The following NELL1 variants were observed in gnomAD, a reference collection of about 807,000 sequenced individuals.
The protein encoded by NELL1 is neural EGFL like 1, also known as protein kinase C-binding protein NELL1.
Under a neutral mutation model 107.4 loss-of-function variants are expected in NELL1, and 76 were observed. That is an observed-to-expected ratio of 0.71 (90% CI 0.59 to 0.86). The LOEUF is 0.86. Among genes scored for constraint, NELL1 ranks in the 40% least tolerant of loss-of-function variants. The probability of loss-of-function intolerance (pLI) is 0.00; values close to 1 mark genes in which losing one functional copy is unlikely to be tolerated. For missense variants in NELL1, 1,024 were observed against 1,005.5 expected (o/e 1.02, Z -0.25); for synonymous variants, 353 against 341.2 (o/e 1.03, Z -0.38).
chr11:21,078,779 A>G (rs1375701028), intron 12 of NELL1, among the ~76,000 whole-genome samples: 1 of 152,102 alleles, frequency 6.6e-6, no homozygotes, highest in Non-Finnish European at 1.5e-5. Flanking sequence ...TTAAAAGTAA[A>G]TTCTAGTAGA....
At chr11:21,252,301 A>G (rs17298901) in intron 14 of NELL1, among the ~76,000 whole-genome samples, 5,663 of 152,082 alleles carry the variant, frequency 0.037, 133 homozygotes, top group Non-Finnish European at 0.056. Context: ...GGTAGATCCA[A>G]TTGGTTTTCC....
intron 15 of NELL1, among the ~76,000 whole-genome samples, chr11:21,497,676 T>A (rs1420576160): frequency 6.6e-6 from 1 of 152,228 alleles, no homozygotes; most frequent in African/African-American, 2.4e-5. Context: ...TAAATATAAA[T>A]CAAATATCAT....
At chr11:21,326,045 C>G (rs1180915402) in intron 14 of NELL1, among the ~76,000 whole-genome samples, 2 of 82,090 alleles carry the variant, frequency 2.4e-5, no homozygotes, top group African/African-American at 1.0e-4. Context: ...TTGTGTTAAT[C>G]CTAGTTTTTT....
rs1411426868 is a variant in NELL1, at chr11:21,232,156, A to AT, written c.1549+2702_1549+2703insT. Among the ~76,000 whole-genome samples the AT allele has an allele frequency of 3.1e-3, 193 of 62,216 alleles. 5 individuals carry two copies. Among genetic ancestry groups the AT allele is most frequent in the South Asian group, 0.013 (23 of 1,808 alleles). The allele number at this position is 62,216 out of a possible 152,430, so 40.8% of individuals were successfully genotyped here. ...CTCTACTAAAAAAAAATAAAAAAAA[A>AT]AAAATATATATATATATATATAAAT... On this transcript the variant is annotated intron_variant, in intron 14 of 19. Transcript: ENST00000357134.
intron 3 of NELL1, among the ~76,000 whole-genome samples, chr11:20,822,933 C>T (rs1857791809): frequency 6.6e-6 from 1 of 152,164 alleles, no homozygotes; most frequent in South Asian, 2.1e-4. Flanking sequence ...GTGTAGTTTG[C>T]AGTGGGGAGC....
intron 10 of NELL1, among the ~76,000 whole-genome samples, chr11:20,941,676 G>A (rs190598449): frequency 1.3e-5 from 2 of 152,164 alleles, no homozygotes; most frequent in African/African-American, 4.8e-5. Context: ...CCTAACATTA[G>A]CTGGGACACA....
chr11:20,793,720 C>G (rs552586457), intron 3 of NELL1, among the ~76,000 whole-genome samples: 2 of 152,208 alleles, frequency 1.3e-5, no homozygotes, highest in East Asian at 3.9e-4. Flanking sequence ...TTGGCTTCCT[C>G]TTTAACCCTG....
intron 12 of NELL1, among the ~76,000 whole-genome samples, chr11:20,998,696 C>T (rs1400367): frequency 0.23 from 34,251 of 152,146 alleles, 4,158 homozygotes; most frequent in Middle Eastern, 0.33. Context: ...CATCGGCTGT[C>T]TTCCATCTTC....
chr11:21,492,206 C>T (rs146056617), intron 15 of NELL1, among the ~76,000 whole-genome samples: 3,855 of 152,176 alleles, frequency 0.025, 173 homozygotes, highest in African/African-American at 0.086. Flanking sequence ...TACCATCTCA[C>T]ACCAGTTAGA....
chr11:20,729,874 T>C (rs1855591720), intron 2 of NELL1, among the ~76,000 whole-genome samples: 2 of 152,018 alleles, frequency 1.3e-5, no homozygotes, highest in Non-Finnish European at 2.9e-5. Context: ...GGGGAGGAAA[T>C]TGGATGCACT....
At chr11:21,018,609 T>A (rs1341418572) in intron 12 of NELL1, among the ~76,000 whole-genome samples, 1 of 152,058 alleles carries the variant, frequency 6.6e-6, no homozygotes, top group Non-Finnish European at 1.5e-5. Flanking sequence ...TTTCTTTCAA[T>A]GTGGTAGGCA....
chr11:21,360,900 T>C (rs1488134140), intron 14 of NELL1, among the ~76,000 whole-genome samples: 2 of 152,290 alleles, frequency 1.3e-5, no homozygotes, highest in South Asian at 2.1e-4. Flanking sequence ...TTGGTGGACT[T>C]CTATCCATTC....
intron 15 of NELL1, among the ~76,000 whole-genome samples, chr11:21,431,791 T>C (rs1852971820): frequency 6.6e-6 from 1 of 151,044 alleles, no homozygotes; most frequent in Non-Finnish European, 1.5e-5. Context: ...GCTTCTACGC[T>C]TTTTTTTATG....
At chr11:21,337,645 A>G (rs538499400) in intron 14 of NELL1, among the ~76,000 whole-genome samples, 1 of 152,204 alleles carries the variant, frequency 6.6e-6, no homozygotes, top group Non-Finnish European at 1.5e-5. Flanking sequence ...TATTTAGAGA[A>G]TGATGTCTCT....
intron 15 of NELL1, among the ~76,000 whole-genome samples, chr11:21,443,040 CA>C (rs34085673): frequency 1.4e-5 from 2 of 138,574 alleles, no homozygotes; most frequent in Admixed American, 7.9e-5. Flanking sequence ...GGGTAATTTA[CA>C]AAAAAAGGAC....
intron 13 of NELL1, among the ~76,000 whole-genome samples, chr11:21,186,583 C>A (rs768071497): frequency 6.6e-6 from 1 of 151,768 alleles, no homozygotes; most frequent in African/African-American, 2.4e-5. Flanking sequence ...CTGTGGTAAC[C>A]AGAGCTGCAC....
intron 9 of NELL1, among the ~76,000 whole-genome samples, chr11:20,930,563 T>C (rs948904167): frequency 1.3e-5 from 2 of 152,150 alleles, no homozygotes; most frequent in Non-Finnish European, 2.9e-5. Context: ...AACACATTTT[T>C]GTATATTTTT....
intron 12 of NELL1, among the ~76,000 whole-genome samples, chr11:21,061,038 C>T (rs1853729364): frequency 2.6e-5 from 4 of 152,130 alleles, no homozygotes; most frequent in Admixed American, 2.6e-4. Context: ...CCTGGCCCCA[C>T]CCTTTCTTTT....
intron 13 of NELL1, among the ~76,000 whole-genome samples, chr11:21,137,028 T>C (rs564822371): frequency 6.6e-5 from 10 of 152,352 alleles, no homozygotes; most frequent in Non-Finnish European, 1.3e-4. Flanking sequence ...CTGATTGGTA[T>C]GCCCAACTCT....
Sources: gnomAD v4.1 joint callset for allele counts (sites outside exome capture counted in the v4.1 genomes callset) on GRCh38, gnomAD v4.1.1 for gene constraint, MANE v1.5 for transcripts, NCBI Gene and HGNC (gene_info 2026-07-23, HGNC 2026-07-21) for gene names.